DHX32: variants seen among roughly 807,000 people sequenced by gnomAD.
DHX32 encodes the protein putative pre-mRNA-splicing factor ATP-dependent RNA helicase DHX32.
DHX32 carries 51 observed loss-of-function variants against 70.0 expected under a neutral mutation model. The observed-to-expected ratio is 0.73, with a 90% CI of 0.58 to 0.92. The LOEUF (loss-of-function observed/expected upper bound fraction) is 0.92. Ranked by LOEUF, DHX32 falls within the 40% of genes least tolerant of loss-of-function variation. DHX32 has a pLI of 0.00. For synonymous variants in DHX32, 310 were observed against 315.3 expected (o/e 0.98, Z 0.18); for missense variants, 762 against 891.8 (o/e 0.85, Z 1.85).
chr10:125,885,659 G>A (rs945926170), upstream of DHX32, among the ~76,000 whole-genome samples: 15 of 152,136 alleles, frequency 9.9e-5, no homozygotes, highest in Admixed American at 5.2e-4. Context: ...ACCGACAACC[G>A]ACTTCTGATC....
At chr10:125,876,276 T>C (rs779185447) in intron 1 of DHX32, among the ~76,000 whole-genome samples, 4 of 152,378 alleles carry the variant, frequency 2.6e-5, no homozygotes, top group Admixed American at 2.6e-4. Context: ...GGAGTAATAG[T>C]ACAACTCCTG....
chr10:125,868,091 A>T (rs1944234580), intron 1 of DHX32, among the ~76,000 whole-genome samples: 1 of 152,256 alleles, frequency 6.6e-6, no homozygotes, highest in South Asian at 2.1e-4. Flanking sequence ...AAACCCAGTG[A>T]GATAATCAAC....
chr10:125,851,270 G>A (rs1173717197), intron 6 of DHX32, among the ~76,000 whole-genome samples: 1 of 152,142 alleles, frequency 6.6e-6, no homozygotes, highest in Non-Finnish European at 1.5e-5. Flanking sequence ...TTTTCCCCAA[G>A]CACAGCAGAA....
upstream of DHX32, among the ~76,000 whole-genome samples, chr10:125,881,822 T>C (rs145724813): frequency 6.6e-6 from 1 of 152,178 alleles, no homozygotes; most frequent in Non-Finnish European, 1.5e-5. Flanking sequence ...CTGTATTTTT[T>C]TGTAGAGACG....
intron 4 of DHX32, chr10:125,853,718 C>G: frequency 2.2e-6 from 1 of 457,690 alleles, no homozygotes; most frequent in Non-Finnish European, 3.8e-6. Context: ...TGAGTCTTCC[C>G]TCAAAACTTT....
At chr10:125,890,406 C>A (rs12049730) in intron 1 of DHX32, among the ~76,000 whole-genome samples, 1 of 152,214 alleles carries the variant, frequency 6.6e-6, no homozygotes, top group South Asian at 2.1e-4. Flanking sequence ...TTTCCAGTAT[C>A]AATTTAAAGT....
chr10:125,855,376 C>G (rs909369161), intron 3 of DHX32, among the ~76,000 whole-genome samples: 1 of 151,890 alleles, frequency 6.6e-6, no homozygotes, highest in Non-Finnish European at 1.5e-5. Context: ...AACTTAACAG[C>G]TAACCTGGAT....
At chr10:125,843,534 C>T (rs539152700) in intron 6 of DHX32, among the ~76,000 whole-genome samples, 59 of 152,162 alleles carry the variant, frequency 3.9e-4, no homozygotes, top group Admixed American at 8.5e-4. Context: ...ATGGCGTGAA[C>T]CCAGGAAGTG....
Position 125,866,076 on chromosome 10 carries a change from G to A in DHX32, c.476+914C>T, listed in dbSNP as rs1158530750. ...AGAGAGGTGCAGAAATACTGACCCC[G>A]AGATACTTAGCTACTTGGCTCTTGG... On this transcript the variant is annotated intron_variant, in intron 2 of 10. Coordinates refer to ENST00000284690, the MANE Select transcript of DHX32 (RefSeq NM_018180.3). This position sits in a 1 kb window ranked among gnomAD's most constrained non-coding sequence, Gnocchi z 4.8. 6.6e-6 allele frequency among the ~76,000 whole-genome samples: 1 copy of A among 152,202 alleles called. No homozygotes were observed. The highest frequency in any genetic ancestry group is 2.4e-5 in the African/African-American group (1 of 41,458).
chr10:125,877,104 G>A lies in DHX32; in HGVS notation c.282+3439C>T, dbSNP rs995342028. Among the ~76,000 whole-genome samples, 3 of 152,010 alleles carry A rather than the reference G, an allele frequency of 2.0e-5. No homozygotes were observed. The East Asian group carries it at 5.8e-4, about 29-fold the overall frequency. Reference sequence around the variant, plus strand: ...TAAAATCTTACATTTGGGGAATCTGGGTGAACAACATATGGAAAATCTTTG... The same window carrying A: ...TAAAATCTTACATTTGGGGAATCTGAGTGAACAACATATGGAAAATCTTTG... On this transcript the variant is annotated intron_variant, in intron 1 of 10. Coordinates refer to ENST00000284690, the MANE Select transcript of DHX32 (RefSeq NM_018180.3).
intron 1 of DHX32, among the ~76,000 whole-genome samples, chr10:125,870,929 G>A (rs1944252221): frequency 6.6e-6 from 1 of 152,192 alleles, no homozygotes; most frequent in African/African-American, 2.4e-5. Flanking sequence ...AGTGGGCACT[G>A]CTTTACATAG....
intron 6 of DHX32, chr10:125,842,919 A>G (rs1486357125): frequency 5.0e-6 from 2 of 397,712 alleles, no homozygotes; most frequent in Non-Finnish European, 6.8e-6. Context: ...TTAAAGAAAT[A>G]TATTCTCTTT....
intron 1 of DHX32, among the ~76,000 whole-genome samples, chr10:125,870,069 T>C (rs1040822138): frequency 2.0e-5 from 3 of 151,998 alleles, no homozygotes; most frequent in African/African-American, 7.3e-5. Flanking sequence ...AACAGGAAAT[T>C]GGAAAGTAAA....
intron 4 of DHX32, 47 bp from the exon 5 acceptor site, chr10:125,852,689 C>T: frequency 6.6e-7 from 1 of 1,523,336 alleles, no homozygotes; most frequent in Non-Finnish European, 8.9e-7. Flanking sequence ...AGTCATGATT[C>T]AGTAGGCTCA....
intron 1 of DHX32, among the ~76,000 whole-genome samples, chr10:125,878,963 C>T (rs1173679359): frequency 2.7e-5 from 4 of 150,626 alleles, no homozygotes; most frequent in African/African-American, 9.8e-5. Flanking sequence ...CCGTCTCGGC[C>T]TCCCAAAGTG....
At chr10:125,862,406 C>T (rs1433390439) in intron 2 of DHX32, among the ~76,000 whole-genome samples, 8 of 151,264 alleles carry the variant, frequency 5.3e-5, no homozygotes, top group Non-Finnish European at 1.0e-4. Flanking sequence ...GTGCAAGATG[C>T]CAACAGATGC....
intron 6 of DHX32, among the ~76,000 whole-genome samples, chr10:125,845,716 A>C (rs1200555729): frequency 6.6e-6 from 1 of 152,262 alleles, no homozygotes; most frequent in African/African-American, 2.4e-5. Context: ...AAGCATTTTC[A>C]ACTCCCTGCC....
chr10:125,866,981 CA>C lies in DHX32; in HGVS notation c.476+8del. On this transcript the variant is annotated splice_region_variant and intron_variant, in intron 2 of 10. Coordinates refer to ENST00000284690, the MANE Select transcript of DHX32 (RefSeq NM_018180.3). The surrounding 1 kb of genome is among the most constrained non-coding windows in gnomAD (Gnocchi z 4.8). ...TCAGCAGGGAGCGGACTGAACCCCA[CA>C]AACCAACCTCAGGATTGTTTCGTTG... is the stretch of plus-strand genomic sequence containing the variant. The C allele has an allele frequency of 6.2e-7, 1 of 1,610,118 alleles. No homozygotes were observed. The highest frequency in any genetic ancestry group is 1.7e-4 in the Middle Eastern group (1 of 6,038).
At chr10:125,854,357 T>G in intron 3 of DHX32, 154 bp from the exon 4 acceptor site, 1 of 590,294 alleles carries the variant, frequency 1.7e-6, no homozygotes, top group Non-Finnish European at 2.6e-6. Flanking sequence ...TTTAAATAAG[T>G]AAAGATGCAC....
Sources: gnomAD v4.1 joint callset for allele counts (sites outside exome capture counted in the v4.1 genomes callset) on GRCh38, gnomAD v4.1.1 for gene constraint, Gnocchi (gnomAD v3.1) non-coding constraint, MANE v1.5 for transcripts, NCBI Gene and HGNC (gene_info 2026-07-23, HGNC 2026-07-21) for gene names.